The following NTM variants were observed in gnomAD, a reference collection of about 807,000 sequenced individuals.
NTM encodes IgLON family member 2.
Under a neutral mutation model 42.1 loss-of-function variants are expected in NTM, and 13 were observed. The observed-to-expected ratio is 0.31, with a 90% CI of 0.20 to 0.49. The LOEUF is 0.49. Among genes scored for constraint, NTM ranks in the 20% least tolerant of loss-of-function variants. The probability of loss-of-function intolerance (pLI) is 0.99; values close to 1 mark genes in which losing one functional copy is unlikely to be tolerated. For missense variants in NTM, 373 were observed against 452.8 expected (o/e 0.82, Z 1.60); for synonymous variants, 187 against 179.2 (o/e 1.04, Z -0.35).
At chr11:132,012,854 C>A (rs890086021) in intron 2 of NTM, among the ~76,000 whole-genome samples, 1 of 152,092 alleles carries the variant, frequency 6.6e-6, no homozygotes, top group Non-Finnish European at 1.5e-5. Flanking sequence ...ATTCAGAATA[C>A]GCATCAGGAA....
At chr11:132,086,824 A>G (rs957442498) in intron 2 of NTM, among the ~76,000 whole-genome samples, 1 of 152,186 alleles carries the variant, frequency 6.6e-6, no homozygotes, top group African/African-American at 2.4e-5. Context: ...TCTTCCCCTG[A>G]GCTCAATTCT....
chr11:131,451,263 G>T (rs1404821727), intron 1 of NTM, among the ~76,000 whole-genome samples: 1 of 152,130 alleles, frequency 6.6e-6, no homozygotes, highest in Non-Finnish European at 1.5e-5. Context: ...TTAGATTTTC[G>T]AGCTTAGCCA....
intron 1 of NTM, among the ~76,000 whole-genome samples, chr11:131,798,251 G>A (rs958713005): frequency 6.6e-6 from 1 of 152,148 alleles, no homozygotes; most frequent in African/African-American, 2.4e-5. Context: ...GGCTCCCCTG[G>A]GCATCTGTCT....
At chr11:131,626,718 C>T (rs776113734) in intron 1 of NTM, among the ~76,000 whole-genome samples, 4 of 152,218 alleles carry the variant, frequency 2.6e-5, no homozygotes, top group African/African-American at 7.2e-5. Flanking sequence ...GGCTCCTAGA[C>T]GATCTCTACT....
intron 1 of NTM, among the ~76,000 whole-genome samples, chr11:131,456,978 T>C (rs1043832272): frequency 6.6e-6 from 1 of 152,178 alleles, no homozygotes; most frequent in Non-Finnish European, 1.5e-5. Context: ...TCCAGCATCA[T>C]ATAAGATGCT....
At chr11:132,323,612 T>C (rs1269517568) in intron 7 of NTM, among the ~76,000 whole-genome samples, 1 of 152,118 alleles carries the variant, frequency 6.6e-6, no homozygotes, top group Non-Finnish European at 1.5e-5. Context: ...GAGGAACTGG[T>C]ACCATTCCTT....
At chr11:131,534,663 A>C (rs1345217195) in intron 1 of NTM, 1 of 152,224 alleles carries the variant, frequency 6.6e-6, no homozygotes, top group Non-Finnish European at 1.5e-5. Context: ...TGGGGACAGC[A>C]CAGGACTGGA....
At chr11:132,116,449 GA>G (rs2063908440) in intron 2 of NTM, among the ~76,000 whole-genome samples, 1 of 152,204 alleles carries the variant, frequency 6.6e-6, no homozygotes, top group Admixed American at 6.5e-5. Context: ...GAATTATAGG[GA>G]ATGCAGTTTC....
intron 1 of NTM, among the ~76,000 whole-genome samples, chr11:131,516,812 GTCTC>G (rs1190673548): frequency 6.6e-6 from 1 of 152,206 alleles, no homozygotes; most frequent in Non-Finnish European, 1.5e-5. Flanking sequence ...CTTTGTCTCT[GTCTC>G]TCTCTGTTTC....
intron 1 of NTM, among the ~76,000 whole-genome samples, chr11:131,600,845 CT>C (rs377580397): frequency 0.05 from 7,453 of 148,520 alleles, 597 homozygotes; most frequent in African/African-American, 0.17. Context: ...TAAACATTCA[CT>C]TTTTTTTTTT....
chr11:131,864,226 C>T (rs952079821), intron 1 of NTM, among the ~76,000 whole-genome samples: 4 of 152,126 alleles, frequency 2.6e-5, no homozygotes, highest in Non-Finnish European at 5.9e-5. Context: ...AAAAGCAATC[C>T]AACGAAAGAC....
At chr11:131,627,713 C>T (rs1376486321) in intron 1 of NTM, among the ~76,000 whole-genome samples, 1 of 151,982 alleles carries the variant, frequency 6.6e-6, no homozygotes, top group Non-Finnish European at 1.5e-5. Flanking sequence ...TGCCTGTGGT[C>T]CCACCTACCC....
chr11:132,079,580 A>G lies in NTM; in HGVS notation c.168-66702A>G, dbSNP rs555657807. ...TTGGAGTTTTCCATATTTTCTCTTTATGTGTCAAAATCTCCTGTTTTACAA... is the reference window on the plus strand; with the variant it reads ...TTGGAGTTTTCCATATTTTCTCTTTGTGTGTCAAAATCTCCTGTTTTACAA... On this transcript the variant is annotated intron_variant, in intron 2 of 8. Transcript: ENST00000683400. Among the ~76,000 whole-genome samples the G allele has an allele frequency of 2.0e-5, 3 of 152,170 alleles. No homozygotes were observed. The East Asian group carries it at 5.8e-4, about 29-fold the overall frequency.
chr11:131,790,406 G>A (rs180860942), intron 1 of NTM, among the ~76,000 whole-genome samples: 1 of 141,792 alleles, frequency 7.1e-6, no homozygotes, highest in Non-Finnish European at 1.5e-5. Context: ...TTCAGGTAAT[G>A]TTGTGAAATT....
At chr11:132,027,867 A>T (rs773059967) in intron 2 of NTM, among the ~76,000 whole-genome samples, 4 of 152,084 alleles carry the variant, frequency 2.6e-5, no homozygotes, top group Non-Finnish European at 4.4e-5. Context: ...ATCCCATTGC[A>T]TGTATATTAC....
At chr11:131,698,627 A>G (rs2075740542) in intron 1 of NTM, among the ~76,000 whole-genome samples, 1 of 152,228 alleles carries the variant, frequency 6.6e-6, no homozygotes, top group Admixed American at 6.5e-5. Context: ...GGACTAGGAG[A>G]AAGCCAAGGA....
chr11:131,953,739 A>G (rs1460892777), intron 2 of NTM, among the ~76,000 whole-genome samples: 1 of 151,964 alleles, frequency 6.6e-6, no homozygotes, highest in Non-Finnish European at 1.5e-5. Context: ...CTAATGAAAA[A>G]GAAGGAGTAA....
chr11:131,719,490 G>T (rs987026103), intron 1 of NTM, among the ~76,000 whole-genome samples: 15 of 152,202 alleles, frequency 9.9e-5, no homozygotes, highest in Non-Finnish European at 2.1e-4. Context: ...ATGAGGAGGT[G>T]CTTGTAACAA....
intron 1 of NTM, among the ~76,000 whole-genome samples, chr11:131,440,873 C>T (rs924165150): frequency 1.1e-4 from 13 of 121,702 alleles, no homozygotes; most frequent in South Asian, 2.9e-4. Flanking sequence ...AATTCATGCC[C>T]GTGTCTGGGG....
Sources: gnomAD v4.1 joint callset for allele counts (sites outside exome capture counted in the v4.1 genomes callset) on GRCh38, gnomAD v4.1.1 for gene constraint, MANE v1.5 for transcripts, NCBI Gene and HGNC (gene_info 2026-07-23, HGNC 2026-07-21) for gene names.